The following PDGFA variants were observed in gnomAD, a reference collection of about 807,000 sequenced individuals.
PDGFA encodes platelet derived growth factor subunit A, also known as platelet-derived growth factor subunit A.
Under a neutral mutation model 25.6 loss-of-function variants are expected in PDGFA, and 9 were observed. That is an observed-to-expected ratio of 0.35 (90% CI 0.21 to 0.61). The LOEUF (loss-of-function observed/expected upper bound fraction) is 0.61. PDGFA is among the 20% of genes least tolerant of loss of function. The probability of loss-of-function intolerance (pLI) is 0.75; values close to 1 mark genes in which losing one functional copy is unlikely to be tolerated. For synonymous variants in PDGFA, 133 were observed against 111.8 expected (o/e 1.19, Z -1.20); for missense variants, 242 against 272.8 (o/e 0.89, Z 0.79).
intron 2 of PDGFA, among the ~76,000 whole-genome samples, chr7:515,719 G>A (rs1267242662): frequency 6.6e-6 from 1 of 152,094 alleles, no homozygotes; most frequent in East Asian, 1.9e-4. Context: ...GGACATGACT[G>A]CAGAGGGAAT....
chr7:515,459 A>G (rs1319926503), intron 2 of PDGFA, among the ~76,000 whole-genome samples: 3 of 152,150 alleles, frequency 2.0e-5, no homozygotes, highest in Non-Finnish European at 4.4e-5. Context: ...CAGGCGAGAG[A>G]CTGTGGGTTT....
chr7:511,839 C>T (rs547201779), intron 3 of PDGFA, among the ~76,000 whole-genome samples: 14 of 152,034 alleles, frequency 9.2e-5, no homozygotes, highest in Non-Finnish European at 1.3e-4. Flanking sequence ...CAAATGGACG[C>T]GGGGGTGGAG....
In PDGFA at chr7:500,530, G is replaced by C; in HGVS notation, c.580+586C>G. On this transcript the variant is annotated intron_variant, in intron 5 of 5. Transcript: ENST00000402802. This position sits in a 1 kb window ranked among gnomAD's most constrained non-coding sequence, Gnocchi z 5.0. ...AACAAAAGGGCAGGGCGGTGAGTGGGCCGAGGGACGGCCGTCGGGGTGAAG... is the reference window on the plus strand; with the variant it reads ...AACAAAAGGGCAGGGCGGTGAGTGGCCCGAGGGACGGCCGTCGGGGTGAAG... The C allele has an allele frequency of 6.2e-7, 1 of 1,613,664 alleles. No homozygotes were observed. The highest frequency in any genetic ancestry group is 8.5e-7 in the Non-Finnish European group (1 of 1,179,988).
At chr7:503,663 C>T (rs1376186761) in intron 4 of PDGFA, among the ~76,000 whole-genome samples, 2 of 152,292 alleles carry the variant, frequency 1.3e-5, no homozygotes, top group Admixed American at 1.3e-4. Context: ...GAAGGTAAGC[C>T]GGTCCCTAAG....
chr7:498,129 C>G (rs1782176734), exon 6 of PDGFA: 2 of 185,712 alleles, frequency 1.1e-5, no homozygotes, highest in Admixed American at 5.6e-5. Context: ...CCACCAGCAC[C>G]CCTCTGGAGT....
At chr7:497,868 T>TAAAAAA in exon 6 of PDGFA, 2 of 3,250 alleles carry the variant, frequency 6.2e-4, no homozygotes, top group African/African-American at 9.9e-4. Context: ...CAAGAGATAA[T>TAAAAAA]TAAAAAAAAA....
intron 2 of PDGFA, chr7:512,801 G>T: frequency 1.8e-6 from 1 of 542,492 alleles, no homozygotes; most frequent in Non-Finnish European, 2.9e-6. Context: ...CCAGGTGAGG[G>T]CTGCCCCGGG....
chr7:504,596 C>T (rs1467727527), intron 4 of PDGFA, among the ~76,000 whole-genome samples: 1 of 152,160 alleles, frequency 6.6e-6, no homozygotes, highest in Non-Finnish European at 1.5e-5. Context: ...CCATACTCTG[C>T]TGCTCCCACC....
rs1562484301 is a variant in PDGFA, at chr7:501,261, C to T, written c.454-19G>A. On this transcript the variant is annotated intron_variant, in intron 4 of 5. Coordinates refer to ENST00000402802, the Ensembl canonical transcript of PDGFA. ...TGGCCACCTGCCAGAGAGAACAGAG[C>T]CCGGCCATGAATGCCTGCATGGAGC... 5.0e-6 allele frequency: 8 copies of T among 1,613,516 alleles called. No homozygotes were observed. Among genetic ancestry groups the T allele is most frequent in the Non-Finnish European group, 6.8e-6 (8 of 1,179,926 alleles).
At chr7:516,044 C>T (rs1313259966) in intron 2 of PDGFA, among the ~76,000 whole-genome samples, 1 of 63,318 alleles carries the variant, frequency 1.6e-5, no homozygotes, top group Admixed American at 1.7e-4. Flanking sequence ...GAAGCAGCCC[C>T]CCCCCCCCAC....
At chr7:519,245 T>A (rs1457393420) in exon 1 of PDGFA, 1 of 91,564 alleles carries the variant, frequency 1.1e-5, no homozygotes, top group Non-Finnish European at 2.1e-5. Flanking sequence ...GGGAGCCTCC[T>A]GGGCCGCCGG....
intron 4 of PDGFA, among the ~76,000 whole-genome samples, chr7:504,628 T>C (rs147746316): frequency 0.012 from 1,785 of 152,220 alleles, 38 homozygotes; most frequent in African/African-American, 0.041. Flanking sequence ...TCTGCAGGGG[T>C]GGCCAAGTGA....
intron 4 of PDGFA, among the ~76,000 whole-genome samples, chr7:502,595 C>T (rs1051851506): frequency 1.3e-5 from 2 of 152,224 alleles, no homozygotes; most frequent in Non-Finnish European, 2.9e-5. Context: ...TTCCCCTCTT[C>T]GGACTGGACT....
chr7:500,857 C>A lies in PDGFA; in HGVS notation c.580+259G>T. 6.5e-7 allele frequency: 1 copy of A among 1,535,890 alleles called. No homozygotes were observed. The highest frequency in any genetic ancestry group is 2.4e-5 in the East Asian group (1 of 41,250). Reference sequence around the variant, plus strand: ...ATGAATTGGGTGTCTTATGCACTCCCAGCCCCTCTCAGTGAGACCTGAATC... The same window carrying A: ...ATGAATTGGGTGTCTTATGCACTCCAAGCCCCTCTCAGTGAGACCTGAATC... On this transcript the variant is annotated intron_variant, in intron 5 of 5. Transcript: ENST00000402802. The surrounding 1 kb of genome is among the most constrained non-coding windows in gnomAD (Gnocchi z 5.0).
In PDGFA at chr7:515,323, G is replaced by A. The variant is rs547795496; in HGVS notation, c.160+2071C>T. On this transcript the variant is annotated intron_variant, in intron 2 of 5. Coordinates refer to ENST00000402802, the Ensembl canonical transcript of PDGFA. ...GGATTGAAAAGGGAGTCCAGGACCCGGAGGGATGCTTACCCAATGAGAACT... is the reference window on the plus strand; with the variant it reads ...GGATTGAAAAGGGAGTCCAGGACCCAGAGGGATGCTTACCCAATGAGAACT... Among the ~76,000 whole-genome samples the A allele has an allele frequency of 4.6e-5, 7 of 152,248 alleles. No individual in the cohort carries two copies. In the South Asian group the frequency reaches 1.0e-3, roughly 23 times the overall value.
chr7:509,001 G>A (rs543526603), intron 4 of PDGFA, among the ~76,000 whole-genome samples: 33 of 152,344 alleles, frequency 2.2e-4, no homozygotes, highest in African/African-American at 7.7e-4. Context: ...CCAGAGAGGC[G>A]CAAACACAGG....
At chr7:513,160 G>C (rs904942570) in intron 2 of PDGFA, 1 of 155,572 alleles carries the variant, frequency 6.4e-6, no homozygotes, top group African/African-American at 2.4e-5. Context: ...AGAGGGAGGC[G>C]GCCTGCGGAG....
chr7:516,041 C>CA (rs200648687), intron 2 of PDGFA, among the ~76,000 whole-genome samples: 3 of 17,288 alleles, frequency 1.7e-4, no homozygotes, highest in African/African-American at 2.7e-4. Context: ...CAGGAAGCAG[C>CA]CCCCCCCCCC....
rs1161976967 is a variant in PDGFA at position 511,367 on chromosome 7, CAGAGACTGGG to C, written c.266-381_266-372del. 3.5e-3 allele frequency among the ~76,000 whole-genome samples: 66 copies of C among 18,610 alleles called. 1 individual carries two copies. The highest frequency in any genetic ancestry group is 7.2e-3 in the African/African-American group (64 of 8,864). 12.2% of individuals were successfully genotyped at this position (18,610 alleles called of 152,430 possible). On this transcript the variant is annotated intron_variant, in intron 3 of 5. Coordinates refer to ENST00000402802, the Ensembl canonical transcript of PDGFA. ...GAGGGGAACCTAGTCCAGGTGGGGCCAGAGACTGGGGGTGGCAGGGGCAGAGGGGAACCTA... is the reference window on the plus strand; with the variant it reads ...GAGGGGAACCTAGTCCAGGTGGGGCCGGTGGCAGGGGCAGAGGGGAACCTA...
Sources: allele counts gnomAD v4.1 joint callset (sites outside exome capture counted in the v4.1 genomes callset), GRCh38; gene constraint gnomAD v4.1.1; non-coding constraint Gnocchi (gnomAD v3.1); transcripts MANE v1.5; gene names NCBI Gene and HGNC (gene_info 2026-07-23, HGNC 2026-07-21).